Variants in TRPM3 observed in about 807,000 individuals in gnomAD.
TRPM3 encodes transient receptor potential cation channel subfamily M member 3.
A neutral mutation model predicts 181.2 loss-of-function variants in TRPM3; 77 were observed. That is an observed-to-expected ratio of 0.42 (90% CI 0.35 to 0.51). The LOEUF (loss-of-function observed/expected upper bound fraction) is 0.51, where lower values mean the gene tolerates loss of function less well. TRPM3 is among the 20% of genes least tolerant of loss of function. The pLI is 0.01. For synonymous variants in TRPM3, 745 were observed against 796.4 expected (o/e 0.94, Z 1.09); for missense variants, 1,759 against 2,196.7 (o/e 0.80, Z 3.98).
At chr9:70,771,839 T>A (rs1449585672) in intron 7 of TRPM3, among the ~76,000 whole-genome samples, 1 of 152,178 alleles carries the variant, frequency 6.6e-6, no homozygotes, top group African/African-American at 2.4e-5. Flanking sequence ...ATAGCATATA[T>A]CTTCTAAAAT....
intron 22 of TRPM3, among the ~76,000 whole-genome samples, chr9:70,575,797 G>A (rs1341439266): frequency 6.6e-6 from 1 of 152,106 alleles, no homozygotes; most frequent in East Asian, 1.9e-4. Flanking sequence ...TCAGTGTCTG[G>A]CTTCTGCCTC....
At chr9:71,120,907 G>A (rs2073495488) in intron 1 of TRPM3, among the ~76,000 whole-genome samples, 2 of 152,080 alleles carry the variant, frequency 1.3e-5, no homozygotes, top group Admixed American at 6.5e-5. Flanking sequence ...AAAAGGGGTG[G>A]GGGAGCACCA....
chr9:71,444,180 A>AC (rs2094173356), intron 1 of TRPM3, among the ~76,000 whole-genome samples: 1 of 150,834 alleles, frequency 6.6e-6, no homozygotes. Context: ...TACATCTCAA[A>AC]AAAAAAAAAA....
At chr9:70,767,082 G>A (rs187453178) in intron 7 of TRPM3, among the ~76,000 whole-genome samples, 2 of 152,296 alleles carry the variant, frequency 1.3e-5, no homozygotes, top group South Asian at 2.1e-4. Context: ...TCCTTCTCAC[G>A]AAGTAGCACA....
chr9:71,182,285 C>A (rs1439124330), intron 1 of TRPM3, among the ~76,000 whole-genome samples: 1 of 151,992 alleles, frequency 6.6e-6, no homozygotes, highest in African/African-American at 2.4e-5. Context: ...TATTGTTAAT[C>A]CACCAGCCCA....
chr9:71,038,339 T>C (rs536930197), intron 1 of TRPM3, among the ~76,000 whole-genome samples: 4 of 152,310 alleles, frequency 2.6e-5, no homozygotes, highest in Admixed American at 2.0e-4. Context: ...AAAAATAACT[T>C]ATTCAAGGCC....
intron 1 of TRPM3, among the ~76,000 whole-genome samples, chr9:70,970,137 A>AT (rs2097227142): frequency 6.6e-6 from 1 of 152,044 alleles, no homozygotes; most frequent in African/African-American, 2.4e-5. Context: ...CCAAACCTCA[A>AT]TTTTTTTGTT....
chr9:71,280,258 G>A lies in TRPM3; in HGVS notation c.183+166395C>T, dbSNP rs566725766. ...GCCATATGGTGGGTCCTGCAGTCAC[G>A]TGAACCACTAAAATTTACTGCCTAT... On this transcript the variant is annotated intron_variant, in intron 1 of 24. Coordinates refer to the TRPM3 transcript ENST00000357533. Among the ~76,000 whole-genome samples, 33 of 152,222 alleles carry A rather than the reference G, an allele frequency of 2.2e-4. No individual in the cohort carries two copies. The South Asian group carries it at 4.8e-3, about 22-fold the overall frequency.
chr9:71,256,502 T>C (rs2082682613), intron 1 of TRPM3, among the ~76,000 whole-genome samples: 2 of 151,292 alleles, frequency 1.3e-5, no homozygotes, highest in Admixed American at 1.3e-4. Flanking sequence ...CAAGAGAGAG[T>C]GCCATACTGG....
intron 1 of TRPM3, among the ~76,000 whole-genome samples, chr9:71,040,283 C>A (rs558043089): frequency 5.3e-4 from 80 of 152,256 alleles, no homozygotes; most frequent in African/African-American, 1.8e-3. Context: ...TACTATTTCT[C>A]AATATTTTTA....
chr9:70,643,166 G>A (rs1273200827), intron 9 of TRPM3, among the ~76,000 whole-genome samples: 2 of 152,126 alleles, frequency 1.3e-5, no homozygotes, highest in Admixed American at 1.3e-4. Context: ...CAGGGTAACT[G>A]GCATACACAA....
chr9:70,582,230 A>G (rs2056041475), intron 22 of TRPM3, among the ~76,000 whole-genome samples: 1 of 151,792 alleles, frequency 6.6e-6, no homozygotes, highest in Non-Finnish European at 1.5e-5. Flanking sequence ...CATGATCACT[A>G]CATTTAATTT....
At chr9:71,183,014 A>T (rs930605995) in intron 1 of TRPM3, among the ~76,000 whole-genome samples, 1 of 152,162 alleles carries the variant, frequency 6.6e-6, no homozygotes, top group Admixed American at 6.5e-5. Flanking sequence ...ACTCATTCCC[A>T]AAGTGGGGTA....
At chr9:71,282,127 C>CA (rs2084787484) in intron 1 of TRPM3, among the ~76,000 whole-genome samples, 1 of 57,658 alleles carries the variant, frequency 1.7e-5, no homozygotes, top group Non-Finnish European at 3.7e-5. Flanking sequence ...AAAGAAAGAA[C>CA]GAAAGAAAGA....
intron 1 of TRPM3, among the ~76,000 whole-genome samples, chr9:71,422,432 C>T (rs1271687204): frequency 1.3e-5 from 2 of 152,032 alleles, no homozygotes; most frequent in East Asian, 1.9e-4. Flanking sequence ...TGAGACCCCT[C>T]GATCTTTATT....
chr9:71,025,306 G>A (rs919099415), intron 1 of TRPM3, among the ~76,000 whole-genome samples: 4 of 152,140 alleles, frequency 2.6e-5, no homozygotes, highest in African/African-American at 9.7e-5. Context: ...CTACAGACTC[G>A]TTCTGCTTCT....
At chr9:70,959,064 T>C (rs1038680623) in intron 1 of TRPM3, among the ~76,000 whole-genome samples, 2 of 151,008 alleles carry the variant, frequency 1.3e-5, no homozygotes, top group African/African-American at 4.9e-5. Flanking sequence ...AACGACGAGT[T>C]AATGGGTGCA....
chr9:70,621,566 T>C (rs1182498611), intron 14 of TRPM3, among the ~76,000 whole-genome samples: 2 of 152,118 alleles, frequency 1.3e-5, no homozygotes, highest in Non-Finnish European at 2.9e-5. Flanking sequence ...GGGGTCTCAC[T>C]ATGTTGCCAG....
intron 1 of TRPM3, among the ~76,000 whole-genome samples, chr9:70,867,474 C>A (rs974737379): frequency 5.9e-5 from 9 of 152,048 alleles, no homozygotes; most frequent in Non-Finnish European, 1.3e-4. Context: ...AGCTTTGCTA[C>A]TTAATTACCT....
Sources: allele counts gnomAD v4.1 joint callset (sites outside exome capture counted in the v4.1 genomes callset), GRCh38; gene constraint gnomAD v4.1.1; transcripts MANE v1.5; gene names NCBI Gene and HGNC (gene_info 2026-07-23, HGNC 2026-07-21).